EVC2: variants seen among roughly 807,000 people sequenced by gnomAD.
The protein encoded by EVC2 is limbin.
In EVC2, 148 loss-of-function variants were observed where a neutral mutation model predicts 149.3. That is an observed-to-expected ratio of 0.99 (90% CI 0.87 to 1.14). The LOEUF (loss-of-function observed/expected upper bound fraction) is 1.14, where lower values mean the gene tolerates loss of function less well. Ranked by LOEUF, EVC2 falls within the 50% of genes most tolerant of loss-of-function variation. The pLI is 0.00. For missense variants in EVC2, 1,854 were observed against 1,627.3 expected, an observed-to-expected ratio of 1.14 and a Z score of -2.40; for synonymous variants, 776 against 649.9, an observed-to-expected ratio of 1.19 and a Z score of -2.95.
intron 17 of EVC2, among the ~76,000 whole-genome samples, chr4:5,577,702 C>G (rs1370627692): frequency 6.6e-6 from 1 of 152,152 alleles, no homozygotes; most frequent in Non-Finnish European, 1.5e-5. Context: ...TGGACACCAT[C>G]GCACGGAGAA....
chr4:5,583,302 G>A (rs1276914720), intron 17 of EVC2, among the ~76,000 whole-genome samples: 1 of 152,184 alleles, frequency 6.6e-6, no homozygotes, highest in Non-Finnish European at 1.5e-5. Flanking sequence ...CAAGATTGAA[G>A]TATAATTGTT....
intron 6 of EVC2, among the ~76,000 whole-genome samples, chr4:5,681,935 G>GTTAGGGCCAGGCTGTCTATAGGGTGGTA (rs1560220814): frequency 6.6e-6 from 1 of 152,028 alleles, no homozygotes; most frequent in African/African-American, 2.4e-5. Context: ...ATAGGGTGGT[G>GTTAGGGCCAGGCTGTCTATAGGGTGGTA]GTTAGGGCCA....
chr4:5,553,446 T>C lies in EVC2; in HGVS notation c.3420-10234A>G, dbSNP rs1721777610. Among the ~76,000 whole-genome samples, 3 of 152,134 alleles carry C rather than the reference T, an allele frequency of 2.0e-5. No individual in the cohort carries two copies. In the South Asian group the frequency reaches 6.2e-4, roughly 32 times the overall value. On this transcript the variant is annotated intron_variant and NMD_transcript_variant, in intron 21 of 22. Transcript: ENST00000475313. ...TGCACATGGACCCAAACCATATCAC[T>C]GCCTTAATAGTGGGAATACATGAAC... is the stretch of plus-strand genomic sequence containing the variant.
Position 5,637,252 on chromosome 4 carries a change from G to A in EVC2, c.1470+3262C>T, listed in dbSNP as rs889112535. Among the ~76,000 whole-genome samples the A allele has an allele frequency of 6.6e-6, 1 of 152,212 alleles. No homozygotes were observed. The highest frequency in any genetic ancestry group is 1.5e-5 in the Non-Finnish European group (1 of 68,042). Reference sequence around the variant, plus strand: ...TAGAAACATTCTAGGTGCCCCACAGGACGGGTTCACATGGGGCGCACAGCA... The same window carrying A: ...TAGAAACATTCTAGGTGCCCCACAGAACGGGTTCACATGGGGCGCACAGCA... On this transcript the variant is annotated intron_variant, in intron 10 of 21. Coordinates refer to ENST00000344408, the MANE Select transcript of EVC2 (RefSeq NM_147127.5). The surrounding 1 kb of genome is among the most constrained non-coding windows in gnomAD (Gnocchi z 4.4).
At chr4:5,599,628 G>C (rs558820865) in intron 16 of EVC2, among the ~76,000 whole-genome samples, 96 of 152,230 alleles carry the variant, frequency 6.3e-4, no homozygotes, top group Non-Finnish European at 9.9e-4. Context: ...GCGAAATGAC[G>C]AGTTAATGGG....
intron 7 of EVC2, among the ~76,000 whole-genome samples, chr4:5,674,428 T>C (rs966694581): frequency 6.6e-6 from 1 of 152,118 alleles, no homozygotes; most frequent in Admixed American, 6.5e-5. Context: ...ATCTTTAAGG[T>C]CTCTTCCAGT....
At chr4:5,638,414 A>G (rs113881100) in intron 10 of EVC2, among the ~76,000 whole-genome samples, 1,529 of 152,076 alleles carry the variant, frequency 0.01, 29 homozygotes, top group African/African-American at 0.03. Flanking sequence ...AAAAATTGTA[A>G]CAGATTTAGG....
rs1194823094 is a variant in EVC2, at chr4:5,670,110, AAAG to A, written c.871-4464_871-4462del. 2.0e-5 allele frequency among the ~76,000 whole-genome samples: 3 copies of A among 152,234 alleles called. No homozygotes were observed. The East Asian group carries it at 5.8e-4, about 29-fold the overall frequency. On this transcript the variant is annotated intron_variant, in intron 7 of 21. Coordinates refer to ENST00000344408, the MANE Select transcript of EVC2 (RefSeq NM_147127.5). The surrounding 1 kb of genome is among the most constrained non-coding windows in gnomAD (Gnocchi z 5.2). ...TCTTCTTCCTCAGTGAAGAATGACC[AAAG>A]AAGAGTAAGATCTCAATATGTAATT... is the stretch of plus-strand genomic sequence containing the variant.
At position 5,631,566 on chromosome 4, in the gene EVC2, C is replaced by CG. The variant is rs1560179935; in HGVS notation, c.1710+226_1710+227insC. 7.9e-4 allele frequency among the ~76,000 whole-genome samples: 99 copies of CG among 125,250 alleles called. 1 individual carries two copies. The South Asian group carries it at 0.025, about 32-fold the overall frequency. 82.2% of individuals were successfully genotyped at this position (125,250 alleles called of 152,430 possible). Reference sequence around the variant, plus strand: ...AACTTGCTCAAGTTCACGCAGTAGACTGGGGGGGGGAACTGAAATTCCAAT... The same window carrying CG: ...AACTTGCTCAAGTTCACGCAGTAGACGTGGGGGGGGGAACTGAAATTCCAAT... On this transcript the variant is annotated intron_variant, in intron 11 of 21. Transcript: ENST00000344408.
Position 5,633,293 on chromosome 4 carries a change from C to T in EVC2, c.1471-1261G>A, listed in dbSNP as rs148395767. ...AGGAGAATGCAGCTCAGCCAAGACC[C>T]TGATTGCCAGCCTGCAACATCCTGA... is the stretch of plus-strand genomic sequence containing the variant. On this transcript the variant is annotated intron_variant, in intron 10 of 21. Transcript: ENST00000344408. This position sits in a 1 kb window ranked among gnomAD's most constrained non-coding sequence, Gnocchi z 4.4. Among the ~76,000 whole-genome samples, 1,850 of 152,312 alleles carry T rather than the reference C, an allele frequency of 0.012. 13 individuals are homozygous for T. Among genetic ancestry groups the T allele is most frequent in the Non-Finnish European group, 0.018 (1,202 of 68,024 alleles).
In EVC2 at chr4:5,686,109, C is replaced by T. The variant is rs1188623429; in HGVS notation, c.707-630G>A. 1.2e-5 allele frequency among the ~76,000 whole-genome samples: 1 copy of T among 83,596 alleles called. No homozygotes were observed. Among genetic ancestry groups the T allele is most frequent in the African/African-American group, 6.4e-5 (1 of 15,532 alleles). 54.8% of individuals were successfully genotyped at this position (83,596 alleles called of 152,430 possible). A position where few individuals can be genotyped will look rare whatever the true frequency, so the allele number is the denominator to read the frequency against. The stretch of plus-strand genomic sequence containing the variant: ...CACATATATATTACACACACACACA[C>T]ACACACACACACACACACAGAGTAA... On this transcript the variant is annotated intron_variant, in intron 5 of 21. Transcript: ENST00000344408. The surrounding 1 kb of genome is among the most constrained non-coding windows in gnomAD (Gnocchi z 5.4).
the EVC2 span, among the ~76,000 whole-genome samples, chr4:5,532,309 C>G: frequency 1.3e-5 from 2 of 152,110 alleles, no homozygotes; most frequent in African/African-American, 4.8e-5. Context: ...TTGGACGAGG[C>G]CCACCCACAT....
In EVC2 at chr4:5,694,477, A is replaced by C. The variant is rs1270601067; in HGVS notation, c.308T>G (p.Leu103Trp). ...TAVEAPLGMK[L>W]DKKMEVFIPL... ...GATGAAGACTTCCATTTTCTTGTCCAATTTCATTCCAAGTGGTGCTTCCAC... is the reference window on the plus strand; with the variant it reads ...GATGAAGACTTCCATTTTCTTGTCCCATTTCATTCCAAGTGGTGCTTCCAC... The change falls in exon 3 of 22, where the codon TTG (leucine) becomes TGG (tryptophan). Residue 103 changes from leucine to tryptophan, a missense_variant. Coordinates refer to ENST00000344408, the MANE Select transcript of EVC2 (RefSeq NM_147127.5). 5 of 1,614,192 alleles carry C rather than the reference A, an allele frequency of 3.1e-6. No homozygotes were observed. The East Asian group carries it at 1.1e-4, about 36-fold the overall frequency.
intron 21 of EVC2, among the ~76,000 whole-genome samples, chr4:5,545,637 A>C (rs751524873): frequency 6.6e-6 from 1 of 152,146 alleles, no homozygotes; most frequent in Non-Finnish European, 1.5e-5. Flanking sequence ...TACCTACCCA[A>C]ACCCTTTCTC....
chr4:5,619,281 G>T (rs988790813), intron 14 of EVC2, among the ~76,000 whole-genome samples: 17 of 152,160 alleles, frequency 1.1e-4, no homozygotes, highest in Non-Finnish European at 1.5e-5. Flanking sequence ...TGGAAATAGG[G>T]TATTTACAAA....
rs559269856 is a variant in EVC2 at position 5,551,768 on chromosome 4, G to A, written c.3420-8556C>T. Among the ~76,000 whole-genome samples the A allele has an allele frequency of 2.0e-5, 3 of 152,298 alleles. No homozygotes were observed. The East Asian group carries it at 5.8e-4, about 29-fold the overall frequency. On this transcript the variant is annotated intron_variant and NMD_transcript_variant, in intron 21 of 22. Transcript: ENST00000475313. Reference sequence around the variant, plus strand: ...CCACGTGTTGTGGGAGGGACACGGTGGGAGGTAATTGAATCATGGGGGCCG... The same window carrying A: ...CCACGTGTTGTGGGAGGGACACGGTAGGAGGTAATTGAATCATGGGGGCCG...
chr4:5,595,159 G>C (rs1713266548), intron 16 of EVC2, among the ~76,000 whole-genome samples: 1 of 152,206 alleles, frequency 6.6e-6, no homozygotes, highest in Non-Finnish European at 1.5e-5. Context: ...ATATTATCCA[G>C]GAGAACTTCC....
At chr4:5,668,118 G>A (rs1051914823) in intron 7 of EVC2, among the ~76,000 whole-genome samples, 16 of 152,182 alleles carry the variant, frequency 1.1e-4, no homozygotes, top group Non-Finnish European at 2.1e-4. Flanking sequence ...AATTCAAAAT[G>A]GCTCCAGACC....
chr4:5,656,052 G>A (rs1182004331), intron 9 of EVC2, among the ~76,000 whole-genome samples: 1 of 152,162 alleles, frequency 6.6e-6, no homozygotes, highest in African/African-American at 2.4e-5. Context: ...GAAAAGAGCT[G>A]CTTCCACTCA....
Sources: allele counts gnomAD v4.1 joint callset (sites outside exome capture counted in the v4.1 genomes callset), GRCh38; gene constraint gnomAD v4.1.1; non-coding constraint Gnocchi (gnomAD v3.1); transcripts MANE v1.5; gene names NCBI Gene and HGNC (gene_info 2026-07-23, HGNC 2026-07-21).